FLNB: variants seen among roughly 807,000 people sequenced by gnomAD.
FLNB encodes the protein filamin B.
In FLNB, 111 loss-of-function variants were observed where a neutral mutation model predicts 250.6. That is an observed-to-expected ratio of 0.44 (90% CI 0.38 to 0.52). The LOEUF (loss-of-function observed/expected upper bound fraction) is 0.52. Among genes scored for constraint, FLNB ranks in the 20% least tolerant of loss-of-function variants. The pLI is 0.00. For missense variants in FLNB, 2,869 were observed against 3,447.8 expected (o/e 0.83, Z 4.20); for synonymous variants, 1,302 against 1,372.1 (o/e 0.95, Z 1.13).
At chr3:58,027,779 T>C (rs2106743187) in intron 1 of FLNB, among the ~76,000 whole-genome samples, 1 of 152,344 alleles carries the variant, frequency 6.6e-6, no homozygotes, top group Non-Finnish European at 1.5e-5. Flanking sequence ...AATATTATTT[T>C]CCCCTGCAGT....
At chr3:58,032,789 T>C (rs748289240) in intron 1 of FLNB, among the ~76,000 whole-genome samples, 6 of 152,132 alleles carry the variant, frequency 3.9e-5, no homozygotes, top group Non-Finnish European at 5.9e-5. Flanking sequence ...CTTTATTGGC[T>C]GGGTGTGGTA....
chr3:58,094,492 T>A (rs1400386663), intron 4 of FLNB, among the ~76,000 whole-genome samples: 1 of 152,260 alleles, frequency 6.6e-6, no homozygotes, highest in Non-Finnish European at 1.5e-5. Context: ...GGCAATACAA[T>A]AAATGCTGTT....
At chr3:58,048,821 G>T (rs1321316707) in intron 1 of FLNB, among the ~76,000 whole-genome samples, 1 of 152,170 alleles carries the variant, frequency 6.6e-6, no homozygotes, top group Non-Finnish European at 1.5e-5. Context: ...TTAATTGTTT[G>T]TATGTGTGTT....
Position 58,164,827 on chromosome 3 carries a change from C to T in FLNB, c.7198+1497C>T, listed in dbSNP as rs1158789698. On this transcript the variant is annotated intron_variant, in intron 43 of 45. Transcript: ENST00000295956. This position sits in a 1 kb window ranked among gnomAD's most constrained non-coding sequence, Gnocchi z 4.0. ...TGAGATGCAGAGGTTGAGTCACTCC[C>T]CAAACAACACTCCCCCAAAAAGCAG... The T allele has an allele frequency of 6.6e-6, 1 of 152,562 alleles. No homozygotes were observed. The highest frequency in any genetic ancestry group is 1.5e-5 in the Non-Finnish European group (1 of 68,320). 9.5% of individuals were successfully genotyped at this position (152,562 alleles called of 1,614,324 possible). A position where few individuals can be genotyped will look rare whatever the true frequency, so the allele number is the denominator to read the frequency against.
At chr3:58,061,953 TG>T (rs2097179286) in intron 1 of FLNB, among the ~76,000 whole-genome samples, 1 of 151,746 alleles carries the variant, frequency 6.6e-6, no homozygotes, top group African/African-American at 2.4e-5. Context: ...TAGCTGGGCA[TG>T]ATGGGGGGCG....
chr3:58,104,183 C>T, intron 10 of FLNB, 98 bp downstream of exon 10: 1 of 1,206,434 alleles, frequency 8.3e-7, no homozygotes, highest in Non-Finnish European at 1.2e-6. Context: ...GGAAAGAGAT[C>T]TGCTTTGTTG....
At position 58,103,265 on chromosome 3, in the gene FLNB, G is replaced by GGTGTGTGTGTGT. The variant is rs10571409; in HGVS notation, c.1484-676_1484-665dup. Among the ~76,000 whole-genome samples the GGTGTGTGTGTGT allele has an allele frequency of 2.1e-3, 311 of 148,172 alleles. 1 individual carries two copies. The highest frequency in any genetic ancestry group is 4.2e-3 in the African/African-American group (168 of 40,088). On this transcript the variant is annotated intron_variant, in intron 9 of 45. Coordinates refer to ENST00000295956, the MANE Select transcript of FLNB (RefSeq NM_001457.4). ...GATTATTCCAACAGGAGCCAAGGAG[G>GGTGTGTGTGTGT]GTGTGTGTGTGTGTGTGTGTGTGTG...
chr3:58,125,479 A>G (rs2097296222), intron 22 of FLNB, 102 bp from the exon 23 acceptor site: 2 of 1,330,534 alleles, frequency 1.5e-6, no homozygotes, highest in African/African-American at 2.9e-5. Flanking sequence ...ATAGTATAGC[A>G]TGCAGACTTC....
rs1658342 is a variant in FLNB, at chr3:58,023,532, G to T, written c.292+14676G>T. Among the ~76,000 whole-genome samples, 19 of 152,236 alleles carry T rather than the reference G, an allele frequency of 1.2e-4. No individual in the cohort carries two copies. The East Asian group carries it at 3.7e-3, about 29-fold the overall frequency. ...TAATGAATCTTTTTCTACTTTTAGG[G>T]GATTTTGCTTACAGCTGCCTTTTAA... On this transcript the variant is annotated intron_variant, in intron 1 of 45. Transcript: ENST00000295956.
Position 58,149,954 on chromosome 3 carries a change from C to G in FLNB, c.6196C>G (p.Pro2066Ala). The G allele has an allele frequency of 1.2e-6, 2 of 1,614,238 alleles. No homozygotes were observed. The highest frequency in any genetic ancestry group is 1.7e-6 in the Non-Finnish European group (2 of 1,180,042). The change falls in exon 37 of 46, where the codon CCT becomes GCT. Residue 2066 changes from proline to alanine, a missense_variant. Physicochemically the swap from Pro to Ala is conservative, Grantham distance 27. Coordinates refer to ENST00000295956, the MANE Select transcript of FLNB (RefSeq NM_001457.4). ...TCKVSYFPTV[P>A]GVYIVSTKFA... is the part of the protein sequence containing the mutation. ...CAAAGTCTCCTACTTCCCTACCGTG[C>G]CTGGGGTTTATATCGTCTCCACCAA...
chr3:58,086,438 A>G (rs1216702921), intron 4 of FLNB, among the ~76,000 whole-genome samples: 1 of 143,030 alleles, frequency 7.0e-6, no homozygotes, highest in South Asian at 2.4e-4. Flanking sequence ...CCTGCCTTCA[A>G]AGTTTCAGGT....
intron 1 of FLNB, among the ~76,000 whole-genome samples, chr3:58,039,196 GAA>G (rs768670049): frequency 1.0e-3 from 121 of 120,906 alleles, no homozygotes; most frequent in African/African-American, 2.2e-3. Flanking sequence ...GTCTCTACAG[GAA>G]AAAAAAAAAA....
intron 1 of FLNB, among the ~76,000 whole-genome samples, chr3:58,060,690 C>T (rs1331600049): frequency 6.9e-6 from 1 of 145,004 alleles, no homozygotes; most frequent in East Asian, 2.1e-4. Flanking sequence ...GCACACACCC[C>T]TGTAGTCCCA....
At chr3:58,152,825 C>T (rs1461344931) in intron 38 of FLNB, 8 of 1,075,330 alleles carry the variant, frequency 7.4e-6, no homozygotes, top group South Asian at 2.7e-5. Context: ...GGCCTCACCA[C>T]GGCAGTGCAG....
chr3:58,143,764 G>A, intron 32 of FLNB, 151 bp downstream of exon 32: 1 of 925,212 alleles, frequency 1.1e-6, no homozygotes, highest in Non-Finnish European at 1.7e-6. Flanking sequence ...AACAGTCTGG[G>A]ACCCTAGCAG....
intron 18 of FLNB, among the ~76,000 whole-genome samples, chr3:58,117,789 AGTTTT>A (rs1446834231): frequency 1.1e-4 from 16 of 146,152 alleles, no homozygotes; most frequent in Admixed American, 2.0e-4. Flanking sequence ...TGATGCAACC[AGTTTT>A]TTTTTTTTTT....
At chr3:58,089,400 G>A (rs1337685779) in intron 4 of FLNB, among the ~76,000 whole-genome samples, 13 of 151,856 alleles carry the variant, frequency 8.6e-5, no homozygotes, top group Admixed American at 7.9e-4. Flanking sequence ...CAAAAAATTA[G>A]CCAGGTGAGG....
intron 26 of FLNB, among the ~76,000 whole-genome samples, chr3:58,133,861 T>C (rs1026313044): frequency 6.6e-6 from 1 of 152,218 alleles, no homozygotes; most frequent in Non-Finnish European, 1.5e-5. Context: ...TTTACTAATA[T>C]ACCATGTACC....
At chr3:58,167,125 C>G (rs116555643) in intron 43 of FLNB, among the ~76,000 whole-genome samples, 243 of 152,344 alleles carry the variant, frequency 1.6e-3, no homozygotes, top group African/African-American at 5.7e-3. Flanking sequence ...GAGACTCTAT[C>G]TCAATCAATC....
Sources: allele counts gnomAD v4.1 joint callset (sites outside exome capture counted in the v4.1 genomes callset), GRCh38; gene constraint gnomAD v4.1.1; non-coding constraint Gnocchi (gnomAD v3.1); transcripts MANE v1.5; gene names NCBI Gene and HGNC (gene_info 2026-07-23, HGNC 2026-07-21).